Variants in SUN2 observed in about 807,000 individuals in gnomAD.
SUN2 encodes the protein Sad1 and UNC84 domain containing 2, also known as SUN domain-containing protein 2.
Under a neutral mutation model 100.0 loss-of-function variants are expected in SUN2, and 60 were observed. The observed-to-expected ratio is 0.60, with a 90% CI of 0.49 to 0.74. The LOEUF (loss-of-function observed/expected upper bound fraction) is 0.74. Among genes scored for constraint, SUN2 ranks in the 30% least tolerant of loss-of-function variants. The pLI, the probability that SUN2 is intolerant of heterozygous loss-of-function variation, is 0.00. For synonymous variants in SUN2, 367 were observed against 403.3 expected (o/e 0.91, Z 1.08); for missense variants, 834 against 954.6 (o/e 0.87, Z 1.66).
rs201111988 is a variant in SUN2 at position 38,750,939 on chromosome 22, A to G, written c.383T>C (p.Leu128Pro). The part of the protein sequence containing the change: ...LVGRKATEDF[L>P]GSSSGYSSED... Reference sequence around the variant, plus strand: ...AGAGGAGTAGCCCGAGGAAGAGCCCAGGAAGTCCTCGGTGGCCTTGCGCCC... The same window carrying G: ...AGAGGAGTAGCCCGAGGAAGAGCCCGGGAAGTCCTCGGTGGCCTTGCGCCC... Residue 128 changes from leucine (L) to proline (P), a missense_variant, in exon 4 of 18, where the codon CTG becomes CCG. Physicochemically the swap from Leu to Pro is moderately conservative, Grantham distance 98. Coordinates refer to ENST00000689035, the MANE Select transcript of SUN2 (RefSeq NM_015374.3). The G allele has an allele frequency of 1.2e-6, 2 of 1,614,010 alleles. No homozygotes were observed. Among genetic ancestry groups the G allele is most frequent in the East Asian group, 4.5e-5 (2 of 44,874 alleles).
intron 1 of SUN2, among the ~76,000 whole-genome samples, chr22:38,753,202 C>A (rs1299693996): frequency 6.7e-6 from 1 of 149,034 alleles, no homozygotes; most frequent in East Asian, 2.0e-4. Flanking sequence ...GTAGACCCCA[C>A]CTATGTTCTT....
chr22:38,750,290 C>T lies in SUN2; in HGVS notation c.455G>A (p.Ser152Asn). The T allele has an allele frequency of 6.2e-7, 1 of 1,613,950 alleles. No homozygotes were observed. The highest frequency in any genetic ancestry group is 1.1e-5 in the South Asian group (1 of 91,086). ...TGAGACGGCGCTTCGGAGCCGCGAG[C>T]TGGAACTCTGCTGGTCCACATCCGA... ...GYSDVDQQSS[S>N]SRLRSAVSRA... Residue 152 changes from serine to asparagine, a missense_variant, in exon 5 of 18, where the codon AGC becomes AAC. Physicochemically the swap from Ser to Asn is conservative, Grantham distance 46 (BLOSUM62 1). This residue lies in a region of SUN2 where 559 missense variants were observed against 597.7 expected (regional missense o/e 0.94). Transcript: ENST00000689035.
Position 38,739,122 on chromosome 22 carries a change from G to A in SUN2, c.1664-134C>T, listed in dbSNP as rs1337961621. ...CCTTTAACCCTAACCGAGATGCTCA[G>A]AGCAGCTTTAAAGGTCAGCCTCTCC... On this transcript the variant is annotated intron_variant, in intron 14 of 17. Coordinates refer to ENST00000689035, the MANE Select transcript of SUN2 (RefSeq NM_015374.3). This position sits in a 1 kb window ranked among gnomAD's most constrained non-coding sequence, Gnocchi z 6.7. 1.0e-5 allele frequency: 10 copies of A among 1,002,602 alleles called. No individual in the cohort carries two copies. Among genetic ancestry groups the A allele is most frequent in the Non-Finnish European group, 1.4e-5 (9 of 659,760 alleles). 62.1% of individuals were successfully genotyped at this position (1,002,602 alleles called of 1,614,324 possible).
chr22:38,738,477 T>G lies in SUN2; in HGVS notation c.1947+110A>C. ...CCACCCTAGCTCCTCCTCTTCCAAA[T>G]CCACTCCCCTCCCTTCCAGTCCAAG... On this transcript the variant is annotated intron_variant, in intron 16 of 17. Coordinates refer to ENST00000689035, the MANE Select transcript of SUN2 (RefSeq NM_015374.3). This position sits in a 1 kb window ranked among gnomAD's most constrained non-coding sequence, Gnocchi z 6.6. The G allele has an allele frequency of 6.9e-7, 1 of 1,440,074 alleles. No individual in the cohort carries two copies. The highest frequency in any genetic ancestry group is 1.3e-5 in the South Asian group (1 of 77,394). 89.2% of individuals were successfully genotyped at this position (1,440,074 alleles called of 1,614,324 possible).
rs2092825137 is a variant in SUN2, at chr22:38,738,328, C to T, written c.1948-63G>A. ...GCAGGGAGAACACCCCTCCCCACTC[C>T]AATCCCTGCTCCTCCCACCCAGCAG... On this transcript the variant is annotated intron_variant, in intron 16 of 17. Coordinates refer to ENST00000689035, the MANE Select transcript of SUN2 (RefSeq NM_015374.3). This position sits in a 1 kb window ranked among gnomAD's most constrained non-coding sequence, Gnocchi z 6.6. 1 of 1,415,390 alleles carries T rather than the reference C, an allele frequency of 7.1e-7. No homozygotes were observed. Among genetic ancestry groups the T allele is most frequent in the South Asian group, 1.2e-5 (1 of 82,572 alleles). 87.7% of individuals were successfully genotyped at this position (1,415,390 alleles called of 1,614,324 possible).
intron 7 of SUN2, among the ~76,000 whole-genome samples, chr22:38,748,130 C>G (rs2092918283): frequency 6.6e-6 from 1 of 152,014 alleles, no homozygotes; most frequent in Non-Finnish European, 1.5e-5. Context: ...AGCCTGACAA[C>G]ATGGAGAAAC....
chr22:38,738,351 C>G lies in SUN2; in HGVS notation c.1948-86G>C. 1.6e-6 allele frequency: 2 copies of G among 1,266,760 alleles called. No individual in the cohort carries two copies. The highest frequency in any genetic ancestry group is 2.2e-6 in the Non-Finnish European group (2 of 891,952). 78.5% of individuals were successfully genotyped at this position (1,266,760 alleles called of 1,614,324 possible). A position where few individuals can be genotyped will look rare whatever the true frequency, so the allele number is the denominator to read the frequency against. ...TCCAATCCCTGCTCCTCCCACCCAGCAGGTCAGGCACCAGAGTGGCCTATG... is the reference window on the plus strand; with the variant it reads ...TCCAATCCCTGCTCCTCCCACCCAGGAGGTCAGGCACCAGAGTGGCCTATG... On this transcript the variant is annotated intron_variant, in intron 16 of 17. Transcript: ENST00000689035. This position sits in a 1 kb window ranked among gnomAD's most constrained non-coding sequence, Gnocchi z 6.6.
intron 1 of SUN2, chr22:38,754,619 T>TGGGGTG: frequency 4.5e-6 from 2 of 441,850 alleles, no homozygotes; most frequent in Non-Finnish European, 7.4e-6. Context: ...CCCCCCTCCC[T>TGGGGTG]GCCCCGCCCG....
At position 38,736,238 on chromosome 22, in the gene SUN2, T is replaced by C; in HGVS notation, c.*29A>G. ...GGGGTGCTGTTCACCCACTCCCAGA[T>C]GGCTGGCAGCAGGCACCAGTAAGCA... On this transcript the variant is annotated 3_prime_UTR_variant, in exon 18 of 18. Transcript: ENST00000689035. The C allele has an allele frequency of 1.3e-6, 2 of 1,598,740 alleles. No homozygotes were observed. The highest frequency in any genetic ancestry group is 1.7e-6 in the Non-Finnish European group (2 of 1,168,954).
chr22:38,746,761 G>C (rs2092906707), intron 7 of SUN2, among the ~76,000 whole-genome samples: 1 of 152,234 alleles, frequency 6.6e-6, no homozygotes, highest in African/African-American at 2.4e-5. Flanking sequence ...GCCGGGCGCG[G>C]TGGCTCACGC....
chr22:38,746,185 G>A (rs111664658), intron 7 of SUN2, among the ~76,000 whole-genome samples: 4 of 152,294 alleles, frequency 2.6e-5, no homozygotes, highest in African/African-American at 9.6e-5. Flanking sequence ...ACCAGGTCTG[G>A]CCCTGCCCTC....
chr22:38,736,420 G>A, intron 17 of SUN2, 40 bp from the exon 18 acceptor site: 2 of 1,531,642 alleles, frequency 1.3e-6, no homozygotes, highest in Non-Finnish European at 1.8e-6. Flanking sequence ...TCAGAGACCT[G>A]TGAGGCCTCA....
chr22:38,745,227 C>T (rs1389991300), intron 8 of SUN2: 8 of 469,170 alleles, frequency 1.7e-5, no homozygotes, highest in Non-Finnish European at 2.6e-5. Flanking sequence ...AGGCAAGGGC[C>T]TTGACCAGCT....
intron 6 of SUN2, 120 bp downstream of exon 6, chr22:38,749,646 A>C: frequency 1.1e-6 from 1 of 929,918 alleles, no homozygotes; most frequent in African/African-American, 1.7e-5. Context: ...ATCGCTAATA[A>C]AGGCTCCAGG....
Position 38,742,469 on chromosome 22 carries a change from C to T in SUN2, c.900G>A (p.Lys300=), listed in dbSNP as rs1304132126. The stretch of plus-strand genomic sequence containing the variant: ...CCAGACGTTCCAGCCGCATGGCCTC[C>T]TTCTGCCAGTTGGAGGAAAATTCAG... ...LAAEFSSNWQ[K]EAMRLERLEL... The change falls in exon 9 of 18, where the codon AAG becomes AAA. Residue 300 remains lysine, a synonymous_variant. Coordinates refer to ENST00000689035, the MANE Select transcript of SUN2 (RefSeq NM_015374.3). 3.1e-6 allele frequency: 5 copies of T among 1,613,570 alleles called. No homozygotes were observed. The East Asian group carries it at 8.9e-5, about 29-fold the overall frequency.
At position 38,736,372 on chromosome 22, in the gene SUN2, C is replaced by A. The variant is rs762525284; in HGVS notation, c.2049G>T (p.Thr683=). The change falls in exon 18 of 18, where the codon ACG becomes ACT. Residue 683 remains threonine (T), a synonymous_variant. Transcript: ENST00000689035. The stretch of plus-strand genomic sequence containing the variant: ...GCTCCACCACCTGGTACGTGGCCAT[C>A]GTAGGGGCCTGGGTAGAGAAGAAAG... ...PIQTFHFQAP[T]MATYQVVELR... is the part of the protein sequence containing the mutation. The A allele has an allele frequency of 6.2e-7, 1 of 1,613,088 alleles. No homozygotes were observed. The highest frequency in any genetic ancestry group is 8.5e-7 in the Non-Finnish European group (1 of 1,179,512).
In SUN2 at chr22:38,742,361, C is replaced by T; in HGVS notation, c.1008G>A (p.Val336=). 1 of 1,612,998 alleles carries T rather than the reference C, an allele frequency of 6.2e-7. No homozygotes were observed. Among genetic ancestry groups the T allele is most frequent in the South Asian group, 1.1e-5 (1 of 91,062 alleles). ...CCTTCAGGGCAGCTTCACGGCGGCT[C>T]ACTAGCCCCTCCAGCAGCGCCAGGG... is the stretch of plus-strand genomic sequence containing the variant. ...EDTLALLEGL[V]SRREAALKED... The change falls in exon 9 of 18, where the codon GTG becomes GTA. Residue 336 remains valine (V), a synonymous_variant. Transcript: ENST00000689035.
In SUN2 at chr22:38,737,993, G is replaced by C. The variant is rs568618600; in HGVS notation, c.2040+180C>G. On this transcript the variant is annotated intron_variant, in intron 17 of 17. Coordinates refer to ENST00000689035, the MANE Select transcript of SUN2 (RefSeq NM_015374.3). The surrounding 1 kb of genome is among the most constrained non-coding windows in gnomAD (Gnocchi z 4.1). ...GCCCTTCTGGAAGGTGCCTTCCCCT[G>C]TGCTGACGTCTGCAGGATGCGTGTT... 3 of 718,820 alleles carry C rather than the reference G, an allele frequency of 4.2e-6. No homozygotes were observed. In the East Asian group the frequency reaches 8.1e-5, roughly 20 times the overall value. The allele number at this position is 718,820 out of a possible 1,614,324, so 44.5% of individuals were successfully genotyped here. A position where few individuals can be genotyped will look rare whatever the true frequency, so the allele number is the denominator to read the frequency against.
intron 9 of SUN2, 139 bp downstream of exon 9, chr22:38,742,161 GA>G (rs1168879547): frequency 1.2e-5 from 13 of 1,058,676 alleles, no homozygotes; most frequent in African/African-American, 8.2e-5. Flanking sequence ...AAAAAAAAAA[GA>G]AAAAAAGAGA....
Sources: allele counts gnomAD v4.1 joint callset (sites outside exome capture counted in the v4.1 genomes callset), GRCh38; gene constraint gnomAD v4.1.1; regional missense constraint gnomAD v4.1.1; non-coding constraint Gnocchi (gnomAD v3.1); transcripts MANE v1.5; gene names NCBI Gene and HGNC (gene_info 2026-07-23, HGNC 2026-07-21).